The following PREX2 variants were observed in gnomAD, a reference collection of about 807,000 sequenced individuals.
The protein encoded by PREX2 is phosphatidylinositol 3,4,5-trisphosphate-dependent Rac exchanger 2 protein.
Under a neutral mutation model 203.2 loss-of-function variants are expected in PREX2, and 107 were observed. That is an observed-to-expected ratio of 0.53 (90% CI 0.45 to 0.62). PREX2 has a LOEUF of 0.62. PREX2 is among the 20% of genes least tolerant of loss of function. PREX2 has a pLI of 0.00. For synonymous variants in PREX2, 672 were observed against 663.6 expected, an observed-to-expected ratio of 1.01 and a Z score of -0.19; for missense variants, 1,777 against 1,955.9, an observed-to-expected ratio of 0.91 and a Z score of 1.72.
chr8:68,217,907 G>A (rs1229382011), intron 38 of PREX2, among the ~76,000 whole-genome samples, 189 bp downstream of exon 38: 2 of 152,256 alleles, frequency 1.3e-5, no homozygotes, highest in African/African-American at 4.8e-5. Context: ...GGTTCTGCAA[G>A]AATCTTAGAC....
At chr8:67,968,023 T>C (rs1225980932) in intron 1 of PREX2, among the ~76,000 whole-genome samples, 1 of 150,674 alleles carries the variant, frequency 6.6e-6, no homozygotes, top group Non-Finnish European at 1.5e-5. Context: ...GGTATGCATA[T>C]GTAACAAACC....
At chr8:67,972,289 C>T (rs182769124) in intron 1 of PREX2, among the ~76,000 whole-genome samples, 1 of 152,264 alleles carries the variant, frequency 6.6e-6, no homozygotes, top group Admixed American at 6.5e-5. Context: ...GAGTAAGGAA[C>T]AAAAGTGTAA....
intron 11 of PREX2, among the ~76,000 whole-genome samples, chr8:68,067,333 T>G (rs1267822971): frequency 6.6e-6 from 1 of 152,156 alleles, no homozygotes. Flanking sequence ...TTAACAATAT[T>G]AATTCTTCCC....
At chr8:68,213,200 G>A (rs530385125) in intron 37 of PREX2, among the ~76,000 whole-genome samples, 1 of 152,266 alleles carries the variant, frequency 6.6e-6, no homozygotes, top group African/African-American at 2.4e-5. Flanking sequence ...ACTTTCTTTA[G>A]CTCAGTTTCA....
intron 35 of PREX2, among the ~76,000 whole-genome samples, chr8:68,178,015 A>T (rs1812015260): frequency 6.6e-6 from 1 of 152,172 alleles, no homozygotes; most frequent in Non-Finnish European, 1.5e-5. Flanking sequence ...TATATATACC[A>T]CATTTTCTTT....
chr8:67,977,224 T>C (rs1303751551), intron 1 of PREX2, among the ~76,000 whole-genome samples: 1 of 152,110 alleles, frequency 6.6e-6, no homozygotes, highest in Non-Finnish European at 1.5e-5. Flanking sequence ...TACAGTAGGA[T>C]ATAAGGAGAA....
At chr8:67,955,113 C>T (rs900007729) in intron 1 of PREX2, among the ~76,000 whole-genome samples, 15 of 134,640 alleles carry the variant, frequency 1.1e-4, no homozygotes, top group African/African-American at 4.0e-4. Context: ...CACTGCACTC[C>T]AGCCTGCCTG....
chr8:68,038,944 T>C (rs183596934), intron 7 of PREX2, among the ~76,000 whole-genome samples: 22 of 152,176 alleles, frequency 1.4e-4, no homozygotes, highest in African/African-American at 4.3e-4. Context: ...GGCCATACTT[T>C]TACCTTGTCA....
intron 39 of PREX2, 130 bp downstream of exon 39, chr8:68,224,756 C>T: frequency 1.6e-6 from 1 of 639,430 alleles, no homozygotes; most frequent in Non-Finnish European, 2.8e-6. Flanking sequence ...GGAGATTGCC[C>T]TTGAAACACC....
At chr8:68,224,027 C>CT (rs1047142103) in intron 38 of PREX2, among the ~76,000 whole-genome samples, 16 of 151,716 alleles carry the variant, frequency 1.1e-4, no homozygotes, top group African/African-American at 3.1e-4. Context: ...TATTATTTTT[C>CT]TTTTTTTGTG....
intron 1 of PREX2, among the ~76,000 whole-genome samples, chr8:67,987,172 A>G (rs1303988160): frequency 1.6e-5 from 2 of 126,506 alleles, no homozygotes; most frequent in African/African-American, 3.0e-5. Context: ...AAAAAAAAAA[A>G]AAAAAAGAAC....
At chr8:67,962,921 T>G (rs1805672367) in intron 1 of PREX2, among the ~76,000 whole-genome samples, 1 of 152,142 alleles carries the variant, frequency 6.6e-6, no homozygotes, top group Non-Finnish European at 1.5e-5. Context: ...TTTATATATT[T>G]TATATATTTA....
intron 6 of PREX2, among the ~76,000 whole-genome samples, chr8:68,036,686 C>T (rs374121627): frequency 1.1e-3 from 162 of 152,188 alleles, no homozygotes; most frequent in African/African-American, 3.6e-3. Context: ...TGGCTTATGC[C>T]TGTAATCCCA....
intron 23 of PREX2, among the ~76,000 whole-genome samples, chr8:68,102,265 C>A (rs1246013563): frequency 6.6e-6 from 1 of 152,122 alleles, no homozygotes; most frequent in Non-Finnish European, 1.5e-5. Flanking sequence ...AGACTAGGTT[C>A]CTATGGAATG....
intron 38 of PREX2, among the ~76,000 whole-genome samples, chr8:68,223,067 C>G (rs970341823): frequency 6.6e-6 from 1 of 152,140 alleles, no homozygotes; most frequent in Non-Finnish European, 1.5e-5. Context: ...TAGGTTGGAT[C>G]TTGGAACAGA....
intron 4 of PREX2, among the ~76,000 whole-genome samples, chr8:68,024,555 T>C (rs1410370559): frequency 2.0e-5 from 3 of 152,032 alleles, no homozygotes; most frequent in Admixed American, 6.6e-5. Flanking sequence ...ATCTTTAAAA[T>C]GTCTCTAGAA....
chr8:68,108,091 G>A lies in PREX2; in HGVS notation c.2716-18G>A. The stretch of plus-strand genomic sequence containing the variant: ...TACTGTGTGTTCAACTGCTTTTTAT[G>A]TTTTCTTTAATTTGCAGTTTTCTCG... On this transcript the variant is annotated intron_variant, in intron 23 of 39. Transcript: ENST00000288368. 1 of 1,571,318 alleles carries A rather than the reference G, an allele frequency of 6.4e-7. No individual in the cohort carries two copies. Among genetic ancestry groups the A allele is most frequent in the Non-Finnish European group, 8.7e-7 (1 of 1,149,876 alleles).
At chr8:68,188,883 C>T (rs898153307) in intron 35 of PREX2, among the ~76,000 whole-genome samples, 1 of 152,076 alleles carries the variant, frequency 6.6e-6, no homozygotes, top group Non-Finnish European at 1.5e-5. Flanking sequence ...ACAAAAATGT[C>T]AAGTTATTAT....
In PREX2 at chr8:67,976,652, G is replaced by GAC. The variant is rs1563480277; in HGVS notation, c.141+24118_141+24119insCA. On this transcript the variant is annotated intron_variant, in intron 1 of 39. Transcript: ENST00000288368. ...GAGAGACGGGAGAGAGACAGAGAGA[G>GAC]AGAGACGGGAGAGAGACAGAGAGAG... 2.2e-3 allele frequency among the ~76,000 whole-genome samples: 213 copies of GAC among 95,284 alleles called. 2 individuals are homozygous for GAC. The highest frequency in any genetic ancestry group is 6.0e-3 in the Middle Eastern group (1 of 166). The allele number at this position is 95,284 out of a possible 152,430, so 62.5% of individuals were successfully genotyped here.
Sources: allele counts gnomAD v4.1 joint callset (sites outside exome capture counted in the v4.1 genomes callset), GRCh38; gene constraint gnomAD v4.1.1; transcripts MANE v1.5; gene names NCBI Gene and HGNC (gene_info 2026-07-23, HGNC 2026-07-21).